GRID2: variants seen among roughly 807,000 people sequenced by gnomAD.
GRID2 encodes glutamate receptor ionotropic, delta-2.
Under a neutral mutation model 114.8 loss-of-function variants are expected in GRID2, and 33 were observed. The observed-to-expected ratio is 0.29, with a 90% confidence interval of 0.22 to 0.38. GRID2 has a LOEUF of 0.38. Ranked by LOEUF, GRID2 falls within the 10% of genes least tolerant of loss-of-function variation. The pLI, the probability that GRID2 is intolerant of heterozygous loss-of-function variation, is 1.00. For synonymous variants in GRID2, 505 were observed against 449.9 expected (o/e 1.12, Z -1.55); for missense variants, 1,184 against 1,257.7 (o/e 0.94, Z 0.89).
intron 4 of GRID2, among the ~76,000 whole-genome samples, chr4:93,179,874 C>T (rs1739717490): frequency 6.6e-6 from 1 of 152,060 alleles, no homozygotes; most frequent in Admixed American, 6.6e-5. Flanking sequence ...TTGGCTAGGT[C>T]CACGTTTTGA....
At chr4:92,328,728 GT>G (rs1452563395) in intron 1 of GRID2, among the ~76,000 whole-genome samples, 1 of 151,996 alleles carries the variant, frequency 6.6e-6, no homozygotes, top group Non-Finnish European at 1.5e-5. Context: ...ACATTATTTT[GT>G]TTTTGTTTCT....
intron 3 of GRID2, among the ~76,000 whole-genome samples, chr4:93,100,932 A>G (rs546126784): frequency 6.6e-6 from 1 of 152,098 alleles, no homozygotes; most frequent in Non-Finnish European, 1.5e-5. Flanking sequence ...TTAAATTGCA[A>G]CTGTAGTTTG....
chr4:93,022,192 A>G (rs1578775384), intron 2 of GRID2, among the ~76,000 whole-genome samples: 1 of 151,792 alleles, frequency 6.6e-6, no homozygotes, highest in African/African-American at 2.4e-5. Flanking sequence ...GTCCTTTTTC[A>G]TACATACGCA....
chr4:92,676,096 GT>G (rs71853421), intron 2 of GRID2, among the ~76,000 whole-genome samples: 1 of 137,338 alleles, frequency 7.3e-6, no homozygotes, highest in African/African-American at 2.7e-5. Context: ...TTTTAAAATA[GT>G]TTTTTGTTTG....
In GRID2 at chr4:92,689,978, T is replaced by C. The variant is rs111530887; in HGVS notation, c.244+99692T>C. Among the ~76,000 whole-genome samples the C allele has an allele frequency of 6.9e-3, 1,053 of 152,294 alleles. 10 individuals carry two copies. Among genetic ancestry groups the C allele is most frequent in the African/African-American group, 0.024 (1,011 of 41,572 alleles). The stretch of plus-strand genomic sequence containing the variant: ...TTGTAACTGGTTTGATCTTCAGTGA[T>C]GTTCCAGATCACTGAAACTTTCTCT... On this transcript the variant is annotated intron_variant, in intron 2 of 15. Coordinates refer to ENST00000282020, the MANE Select transcript of GRID2 (RefSeq NM_001510.4).
intron 2 of GRID2, among the ~76,000 whole-genome samples, chr4:92,949,656 G>A (rs1181765755): frequency 6.6e-6 from 1 of 151,252 alleles, no homozygotes; most frequent in Non-Finnish European, 1.5e-5. Context: ...AATTTGGTAG[G>A]CTTTCAGTGG....
At chr4:93,417,829 C>G (rs892326186) in intron 9 of GRID2, among the ~76,000 whole-genome samples, 15 of 151,558 alleles carry the variant, frequency 9.9e-5, no homozygotes, top group African/African-American at 3.6e-4. Flanking sequence ...CATCAATGTA[C>G]CACAATATAT....
At chr4:92,486,702 A>T (rs1722914303) in intron 1 of GRID2, among the ~76,000 whole-genome samples, 1 of 152,034 alleles carries the variant, frequency 6.6e-6, no homozygotes, top group Admixed American at 6.6e-5. Context: ...AGGGATTAAT[A>T]TCCAAAATAT....
chr4:93,772,099 G>T lies in GRID2; in HGVS notation c.2625G>T (p.Glu875Asp). ...SKEDDKEIDL[E>D]HLHRRVNSLC... ...AGGATGACAAGGAAATTGACCTGGA[G>T]CACCTCCATAGACGTGTAAATAGCT... Residue 875 changes from glutamate (E) to aspartate (D), a missense_variant, in exon 16 of 16, where the codon GAG becomes GAT. Around this residue, in one of 3 missense-constraint regions of GRID2, gnomAD observed 717 missense variants for 796.9 expected, o/e 0.90. Coordinates refer to ENST00000282020, the MANE Select transcript of GRID2 (RefSeq NM_001510.4). The T allele has an allele frequency of 1.2e-6, 2 of 1,609,978 alleles. No homozygotes were observed. Among genetic ancestry groups the T allele is most frequent in the Non-Finnish European group, 1.7e-6 (2 of 1,176,566 alleles).
chr4:92,457,449 TA>T (rs1393223593), intron 1 of GRID2, among the ~76,000 whole-genome samples: 1 of 152,118 alleles, frequency 6.6e-6, no homozygotes, highest in African/African-American at 2.4e-5. Flanking sequence ...AATGAATGAA[TA>T]AATATATGAG....
At chr4:92,617,270 C>T (rs1461522219) in intron 2 of GRID2, among the ~76,000 whole-genome samples, 1 of 151,154 alleles carries the variant, frequency 6.6e-6, no homozygotes, top group East Asian at 2.0e-4. Context: ...AGGTTTGTTA[C>T]ATAGGTATAC....
chr4:92,955,780 A>G (rs1304462984), intron 2 of GRID2, among the ~76,000 whole-genome samples: 1 of 152,002 alleles, frequency 6.6e-6, no homozygotes, highest in Non-Finnish European at 1.5e-5. Flanking sequence ...ATCCATTTTG[A>G]ATTGATTTTT....
intron 13 of GRID2, among the ~76,000 whole-genome samples, chr4:93,620,909 C>T (rs1419472579): frequency 6.6e-6 from 1 of 151,970 alleles, no homozygotes; most frequent in Non-Finnish European, 1.5e-5. Flanking sequence ...TGATTCCTTC[C>T]AACAAAAATT....
rs370271348 is a variant in GRID2 at position 92,671,048 on chromosome 4, C to A, written c.244+80762C>A. On this transcript the variant is annotated intron_variant, in intron 2 of 15. Coordinates refer to ENST00000282020, the MANE Select transcript of GRID2 (RefSeq NM_001510.4). The stretch of plus-strand genomic sequence containing the variant: ...GTTCTCACATTGCTATAAAGAACTA[C>A]CTGAGGCTGCATAATTTATGAAGAA... Among the ~76,000 whole-genome samples the A allele has an allele frequency of 2.0e-5, 3 of 152,020 alleles. No homozygotes were observed. The East Asian group carries it at 5.8e-4, about 29-fold the overall frequency.
chr4:92,479,521 C>T (rs1396833907), intron 1 of GRID2, among the ~76,000 whole-genome samples: 1 of 152,086 alleles, frequency 6.6e-6, no homozygotes, highest in Non-Finnish European at 1.5e-5. Flanking sequence ...TAAATGAGCA[C>T]TTACATATTA....
chr4:92,506,777 C>G (rs1271375441), intron 1 of GRID2, among the ~76,000 whole-genome samples: 1 of 151,884 alleles, frequency 6.6e-6, no homozygotes, highest in African/African-American at 2.4e-5. Context: ...CATTCACCTC[C>G]TTTGAGACAA....
intron 1 of GRID2, among the ~76,000 whole-genome samples, chr4:92,575,587 A>AT (rs535208447): frequency 1.6e-3 from 241 of 152,074 alleles, no homozygotes; most frequent in African/African-American, 5.5e-3. Flanking sequence ...TAGTCACCTC[A>AT]TTTTTTCCCA....
intron 2 of GRID2, among the ~76,000 whole-genome samples, chr4:92,839,091 T>A (rs1198740033): frequency 6.6e-6 from 1 of 152,078 alleles, no homozygotes; most frequent in Non-Finnish European, 1.5e-5. Context: ...ATTTTATAAG[T>A]CTTTCAAGCG....
intron 2 of GRID2, among the ~76,000 whole-genome samples, chr4:92,852,053 T>G (rs2149423949): frequency 6.6e-6 from 1 of 151,912 alleles, no homozygotes; most frequent in South Asian, 2.1e-4. Context: ...GGTCACAAAT[T>G]TAAGTTGCAT....
Sources: allele counts gnomAD v4.1 joint callset (sites outside exome capture counted in the v4.1 genomes callset), GRCh38; gene constraint gnomAD v4.1.1; regional missense constraint gnomAD v4.1.1; transcripts MANE v1.5; gene names NCBI Gene and HGNC (gene_info 2026-07-23, HGNC 2026-07-21).